Variants in SORD observed in about 807,000 individuals in gnomAD.
SORD encodes the protein sorbitol dehydrogenase.
In SORD, 18 loss-of-function variants were observed where a neutral mutation model predicts 35.6. That is an observed-to-expected ratio of 0.51 (90% CI 0.35 to 0.75). SORD has a LOEUF of 0.75. Ranked by LOEUF, SORD falls within the 30% of genes least tolerant of loss-of-function variation. The pLI is 0.01. For missense variants in SORD, 250 were observed against 390.2 expected, an observed-to-expected ratio of 0.64 and a Z score of 3.03; for synonymous variants, 106 against 152.9, an observed-to-expected ratio of 0.69 and a Z score of 2.26.
At chr15:45,028,273 G>T (rs2141262040) in intron 1 of SORD, among the ~76,000 whole-genome samples, 1 of 152,380 alleles carries the variant, frequency 6.6e-6, no homozygotes, top group Admixed American at 6.5e-5. Context: ...GTTGCAGTGA[G>T]CCAAGATCAT....
At chr15:45,037,875 A>G (rs1329012432) in intron 1 of SORD, among the ~76,000 whole-genome samples, 1 of 151,822 alleles carries the variant, frequency 6.6e-6, no homozygotes, top group Non-Finnish European at 1.5e-5. Flanking sequence ...CCTAGGTGAC[A>G]GGTTGATAGG....
chr15:45,062,468 C>T (rs1342649740), intron 4 of SORD, among the ~76,000 whole-genome samples: 3 of 152,028 alleles, frequency 2.0e-5, no homozygotes, highest in African/African-American at 7.2e-5. Context: ...CGCAGCCTGG[C>T]CCCAGTGGTG....
At chr15:45,042,631 C>T (rs10518960) in intron 2 of SORD, 7,217 of 152,954 alleles carry the variant, frequency 0.047, 208 homozygotes, top group South Asian at 0.12. Flanking sequence ...GATACGAATC[C>T]ACGAATCACG....
In SORD at chr15:45,073,389, T is replaced by C; in HGVS notation, c.933T>C (p.Leu311=). Residue 311 remains leucine, a synonymous_variant, in exon 9 of 9, where the codon CTT becomes CTC. Coordinates refer to ENST00000267814, the MANE Select transcript of SORD (RefSeq NM_003104.6). ...CNTWPVAISM[L]ASKSVNVKPL... ...GGTGGCCAGTGGCGATTTCGATGCT[T>C]GCGTCCAAGTCTGTGAATGTAAAAC... 3 of 1,479,246 alleles carry C rather than the reference T, an allele frequency of 2.0e-6. No homozygotes were observed. The highest frequency in any genetic ancestry group is 4.3e-5 in the Admixed American group (2 of 46,762). 91.6% of individuals were successfully genotyped at this position (1,479,246 alleles called of 1,614,324 possible).
intron 3 of SORD, among the ~76,000 whole-genome samples, chr15:45,046,041 A>C (rs1454163937): frequency 1.3e-5 from 2 of 151,798 alleles, no homozygotes; most frequent in East Asian, 3.9e-4. Flanking sequence ...GCACTGTAAA[A>C]CTGTGAAATG....
intron 5 of SORD, among the ~76,000 whole-genome samples, 179 bp downstream of exon 5, chr15:45,065,568 A>G (rs930658127): frequency 1.6e-4 from 24 of 152,338 alleles, no homozygotes; most frequent in East Asian, 5.8e-4. Flanking sequence ...GAGTATCTGC[A>G]GACATGATAT....
At chr15:45,040,177 G>T (rs1892943939) in intron 1 of SORD, among the ~76,000 whole-genome samples, 2 of 151,720 alleles carry the variant, frequency 1.3e-5, no homozygotes, top group Admixed American at 1.3e-4. Flanking sequence ...GCTGCTGTTG[G>T]GTCCGTCACT....
chr15:45,038,070 A>G (rs1246255883), intron 1 of SORD, among the ~76,000 whole-genome samples: 1 of 151,978 alleles, frequency 6.6e-6, no homozygotes, highest in Non-Finnish European at 1.5e-5. Context: ...TTTGGTGACA[A>G]TCAGCTATCT....
intron 1 of SORD, among the ~76,000 whole-genome samples, chr15:45,024,106 G>C (rs1392262902): frequency 6.6e-6 from 1 of 152,088 alleles, no homozygotes; most frequent in South Asian, 2.1e-4. Context: ...TTGCTCCCTG[G>C]CTTGTGGCAC....
chr15:45,071,704 G>C (rs1249490320), intron 7 of SORD, among the ~76,000 whole-genome samples: 1 of 148,996 alleles, frequency 6.7e-6, no homozygotes, highest in Non-Finnish European at 1.5e-5. Context: ...TTTCACTGCT[G>C]CCTGTGACCC....
chr15:45,033,305 T>C (rs2141264976), intron 1 of SORD, among the ~76,000 whole-genome samples: 1 of 151,604 alleles, frequency 6.6e-6, no homozygotes, highest in African/African-American at 2.4e-5. Context: ...AGTATTTGCA[T>C]ATAACCTACA....
intron 1 of SORD, among the ~76,000 whole-genome samples, chr15:45,037,607 A>C (rs780074554): frequency 1.3e-5 from 2 of 152,338 alleles, no homozygotes; most frequent in Non-Finnish European, 1.5e-5. Context: ...CATTTCACGC[A>C]GTATAATGCA....
intron 2 of SORD, among the ~76,000 whole-genome samples, chr15:45,042,798 T>C (rs7167292): frequency 0.15 from 22,792 of 150,580 alleles, 1,839 homozygotes; most frequent in African/African-American, 0.24. Flanking sequence ...TGTGTATGTA[T>C]GTATGTGTGT....
At chr15:45,066,492 T>C (rs1340369392) in intron 5 of SORD, among the ~76,000 whole-genome samples, 1 of 152,082 alleles carries the variant, frequency 6.6e-6, no homozygotes, top group Non-Finnish European at 1.5e-5. Flanking sequence ...CATCTATGAA[T>C]AAGGTAGACC....
intron 3 of SORD, among the ~76,000 whole-genome samples, chr15:45,060,063 G>A (rs1035084009): frequency 1.3e-5 from 2 of 152,136 alleles, no homozygotes; most frequent in Non-Finnish European, 2.9e-5. Context: ...ATTCCTAGGT[G>A]ATACCTTTAA....
At chr15:45,045,737 C>A (rs1224165884) in intron 3 of SORD, among the ~76,000 whole-genome samples, 1 of 152,028 alleles carries the variant, frequency 6.6e-6, no homozygotes. Flanking sequence ...GGCATGGTGG[C>A]TTACACCTGT....
chr15:45,069,473 G>A (rs902474024), intron 7 of SORD, among the ~76,000 whole-genome samples: 1 of 152,062 alleles, frequency 6.6e-6, no homozygotes, highest in Non-Finnish European at 1.5e-5. Context: ...GCCTCTCAAA[G>A]TGCTGGGATT....
chr15:45,043,640 G>A, intron 3 of SORD, among the ~76,000 whole-genome samples: 1 of 148,556 alleles, frequency 6.7e-6, no homozygotes, highest in Admixed American at 6.7e-5. Context: ...AGAATGCAGG[G>A]TGTGATTAGT....
At chr15:45,031,560 C>A (rs2141264198) in intron 1 of SORD, among the ~76,000 whole-genome samples, 1 of 152,372 alleles carries the variant, frequency 6.6e-6, no homozygotes, top group Non-Finnish European at 1.5e-5. Context: ...TGTTTTTATA[C>A]CCTGCATAGG....
Sources: allele counts gnomAD v4.1 joint callset (sites outside exome capture counted in the v4.1 genomes callset), GRCh38; gene constraint gnomAD v4.1.1; transcripts MANE v1.5; gene names NCBI Gene and HGNC (gene_info 2026-07-23, HGNC 2026-07-21).